NFXL1: variants seen among roughly 807,000 people sequenced by gnomAD.
The protein encoded by NFXL1 is nuclear transcription factor, X-box binding like 1, also known as NF-X1-type zinc finger protein NFXL1.
A neutral mutation model predicts 123.3 loss-of-function variants in NFXL1; 66 were observed. The observed-to-expected ratio is 0.54, with a 90% CI of 0.44 to 0.66. The LOEUF (loss-of-function observed/expected upper bound fraction) is 0.66. Among genes scored for constraint, NFXL1 ranks in the 30% least tolerant of loss-of-function variants. The pLI is 0.00. For missense variants in NFXL1, 944 were observed against 1,125.6 expected (o/e 0.84, Z 2.31); for synonymous variants, 346 against 360.8 (o/e 0.96, Z 0.46).
At chr4:47,893,254 G>A (rs989393149) in intron 11 of NFXL1, among the ~76,000 whole-genome samples, 3 of 151,698 alleles carry the variant, frequency 2.0e-5, no homozygotes, top group Admixed American at 1.3e-4. Context: ...AGAAGGTGAC[G>A]GGTAGGGGAA....
At chr4:47,859,569 G>A (rs2110038330) in intron 19 of NFXL1, among the ~76,000 whole-genome samples, 2 of 152,124 alleles carry the variant, frequency 1.3e-5, no homozygotes, top group East Asian at 3.9e-4. Context: ...CCGGCCAGGT[G>A]CAATGTCTCA....
chr4:47,905,723 G>C (rs560836401), intron 3 of NFXL1, among the ~76,000 whole-genome samples: 14 of 125,198 alleles, frequency 1.1e-4, no homozygotes, highest in Non-Finnish European at 1.7e-4. Flanking sequence ...GAGCCACTGA[G>C]CATAAATATA....
intron 2 of NFXL1, among the ~76,000 whole-genome samples, chr4:47,912,581 C>T (rs1469468948): frequency 7.3e-5 from 11 of 150,190 alleles, no homozygotes; most frequent in African/African-American, 2.7e-4. Flanking sequence ...TCCTCAGCCT[C>T]CCGAGTAGCT....
At chr4:47,860,873 A>G (rs1734726723) in intron 19 of NFXL1, among the ~76,000 whole-genome samples, 2 of 148,484 alleles carry the variant, frequency 1.3e-5, no homozygotes, top group Admixed American at 1.3e-4. Flanking sequence ...TTTTTTTGAG[A>G]CGGAGTTTTG....
chr4:47,880,824 A>C (rs1028517379), intron 15 of NFXL1, among the ~76,000 whole-genome samples: 5 of 151,104 alleles, frequency 3.3e-5, no homozygotes, highest in African/African-American at 9.7e-5. Context: ...AAAAAAAAAA[A>C]AAAAAACGCA....
chr4:47,908,958 A>C (rs1232287375), intron 3 of NFXL1, among the ~76,000 whole-genome samples: 3 of 150,566 alleles, frequency 2.0e-5, no homozygotes, highest in Non-Finnish European at 3.0e-5. Flanking sequence ...CCGTCGCAAA[A>C]AAAAAAAAAA....
rs750958699 is a variant in NFXL1 at position 47,899,156 on chromosome 4, A to G, written c.827-36T>C. The G allele has an allele frequency of 5.4e-6, 8 of 1,469,496 alleles. No homozygotes were observed. In the South Asian group the frequency reaches 1.1e-4, roughly 19 times the overall value. The allele number at this position is 1,469,496 out of a possible 1,614,324, so 91.0% of individuals were successfully genotyped here. A position where few individuals can be genotyped will look rare whatever the true frequency, so the allele number is the denominator to read the frequency against. The stretch of plus-strand genomic sequence containing the variant: ...GTAAAAGCAAAAAAAAAAAAAAAAA[A>G]AAAATCTAAAGTCAGAAACTAAAAC... On this transcript the variant is annotated intron_variant, in intron 6 of 22. Coordinates refer to ENST00000507489, the MANE Select transcript of NFXL1 (RefSeq NM_001278624.2).
intron 2 of NFXL1, among the ~76,000 whole-genome samples, chr4:47,913,633 C>T (rs1042420296): frequency 1.3e-5 from 2 of 152,226 alleles, no homozygotes; most frequent in African/African-American, 4.8e-5. Flanking sequence ...AATCAATCCA[C>T]ATTTAAAACT....
chr4:47,857,711 T>C (rs1734492504), intron 19 of NFXL1, among the ~76,000 whole-genome samples: 2 of 152,186 alleles, frequency 1.3e-5, no homozygotes, highest in Admixed American at 6.6e-5. Context: ...ATTCCCCCAG[T>C]AGCCACAGCC....
chr4:47,879,546 AAGTT>A (rs1735955362), intron 15 of NFXL1, among the ~76,000 whole-genome samples: 2 of 152,210 alleles, frequency 1.3e-5, no homozygotes, highest in Admixed American at 1.3e-4. Flanking sequence ...AAATCCCAGC[AAGTT>A]ATTTTGTATA....
Position 47,850,872 on chromosome 4 carries a change from T to C in NFXL1, c.2562+223A>G, listed in dbSNP as rs1258870029. Among the ~76,000 whole-genome samples the C allele has an allele frequency of 2.0e-5, 3 of 151,560 alleles. No homozygotes were observed. The East Asian group carries it at 5.8e-4, about 29-fold the overall frequency. On this transcript the variant is annotated intron_variant, in intron 22 of 22. Transcript: ENST00000507489. ...TATTGGCAAGAAAGTAAATTGGAAA[T>C]ACAAAAAAAAAATTTGGGAATATAT...
At chr4:47,849,846 ATCT>A (rs1439983023) in intron 22 of NFXL1, among the ~76,000 whole-genome samples, 2 of 152,108 alleles carry the variant, frequency 1.3e-5, no homozygotes, top group African/African-American at 4.8e-5. Context: ...ACACACAAAC[ATCT>A]TCTTGTATAC....
chr4:47,851,400 C>A (rs992253319), intron 21 of NFXL1, among the ~76,000 whole-genome samples: 1 of 152,008 alleles, frequency 6.6e-6, no homozygotes, highest in African/African-American at 2.4e-5. Flanking sequence ...GGTATTACAT[C>A]GTAATTCAAA....
At chr4:47,869,637 A>G (rs1209087534) in intron 18 of NFXL1, among the ~76,000 whole-genome samples, 1 of 152,222 alleles carries the variant, frequency 6.6e-6, no homozygotes, top group Admixed American at 6.5e-5. Flanking sequence ...AAGCACATCT[A>G]TGATAAAAAT....
intron 15 of NFXL1, among the ~76,000 whole-genome samples, chr4:47,880,154 A>G (rs1213672259): frequency 6.6e-6 from 1 of 152,006 alleles, no homozygotes; most frequent in Non-Finnish European, 1.5e-5. Context: ...CCTACACTTT[A>G]GGAGGCTGAG....
At chr4:47,880,225 T>C (rs1269610753) in intron 15 of NFXL1, among the ~76,000 whole-genome samples, 1 of 151,858 alleles carries the variant, frequency 6.6e-6, no homozygotes, top group African/African-American at 2.4e-5. Flanking sequence ...AATGAATCCC[T>C]GTCTCTACAA....
chr4:47,899,312 C>A, intron 6 of NFXL1, 58 bp downstream of exon 6: 1 of 1,447,130 alleles, frequency 6.9e-7, no homozygotes, highest in Non-Finnish European at 9.4e-7. Context: ...TTTTTTTTGC[C>A]TCAATATAAG....
intron 14 of NFXL1, 93 bp downstream of exon 14, chr4:47,885,405 G>A (rs1736368411): frequency 1.9e-6 from 2 of 1,037,558 alleles, no homozygotes; most frequent in South Asian, 1.6e-5. Flanking sequence ...TTCCCAATAA[G>A]TGCTTAATCA....
rs140280008 is a variant in NFXL1 at position 47,911,412 on chromosome 4, T to C, written c.236-418A>G. On this transcript the variant is annotated intron_variant, in intron 2 of 22. Coordinates refer to ENST00000507489, the MANE Select transcript of NFXL1 (RefSeq NM_001278624.2). ...TGAGCACATAAAGAATCAGGGAAGG[T>C]AGGTATTTCAAACTACCGTCTTCTG... is the stretch of plus-strand genomic sequence containing the variant. Among the ~76,000 whole-genome samples the C allele has an allele frequency of 3.3e-5, 5 of 152,230 alleles. No homozygotes were observed. The South Asian group carries it at 6.2e-4, about 19-fold the overall frequency.
Sources: gnomAD v4.1 joint callset for allele counts (sites outside exome capture counted in the v4.1 genomes callset) on GRCh38, gnomAD v4.1.1 for gene constraint, MANE v1.5 for transcripts, NCBI Gene and HGNC (gene_info 2026-07-23, HGNC 2026-07-21) for gene names.